CADM1: variants seen among roughly 807,000 people sequenced by gnomAD.
CADM1 encodes the protein TSLC-1.
Under a neutral mutation model 53.1 loss-of-function variants are expected in CADM1, and 15 were observed. The ratio of observed to expected loss-of-function variants is 0.28; its 90% CI spans 0.19 to 0.44. The LOEUF is 0.44. CADM1 is among the 20% of genes least tolerant of loss of function. The pLI is 1.00. For synonymous variants in CADM1, 281 were observed against 243.0 expected (o/e 1.16, Z -1.45); for missense variants, 434 against 611.3 (o/e 0.71, Z 3.06).
In CADM1 at chr11:115,240,344, A is replaced by C. The variant is rs1335676735; in HGVS notation, c.201T>G (p.Asn67Lys). ...GCTGAATCACAGAGTCGTCACTCTT[A>C]TTGACTTGGCAACTGATGGTCGCAA... is the stretch of plus-strand genomic sequence containing the variant. ...GEVATISCQV[N>K]KSDDSVIQLL... Residue 67 changes from asparagine to lysine, a missense_variant, in exon 2 of 12, where the codon AAT (asparagine) becomes AAG (lysine). Physicochemically the swap from Asn to Lys is moderately conservative, Grantham distance 94. Transcript: ENST00000331581. 3.7e-6 allele frequency: 6 copies of C among 1,613,822 alleles called. No homozygotes were observed. The South Asian group carries it at 6.6e-5, about 18-fold the overall frequency.
chr11:115,501,182 G>A (rs1315512486), intron 1 of CADM1, among the ~76,000 whole-genome samples: 1 of 152,140 alleles, frequency 6.6e-6, no homozygotes, highest in Non-Finnish European at 1.5e-5. Context: ...GAAGCCTTGT[G>A]CGTCTCCAGT....
At chr11:115,181,154 T>C (rs925857538) in intron 10 of CADM1, among the ~76,000 whole-genome samples, 16 of 76,504 alleles carry the variant, frequency 2.1e-4, no homozygotes, top group Admixed American at 3.8e-4. Flanking sequence ...AGGAATATTC[T>C]GGAAGCCTGA....
intron 1 of CADM1, among the ~76,000 whole-genome samples, chr11:115,388,161 A>T (rs1010945348): frequency 6.6e-6 from 1 of 152,150 alleles, no homozygotes; most frequent in Non-Finnish European, 1.5e-5. Flanking sequence ...ATACACCACT[A>T]AAAAGGGGAG....
intron 5 of CADM1, among the ~76,000 whole-genome samples, chr11:115,225,417 G>T (rs1307493097): frequency 6.6e-6 from 1 of 152,030 alleles, no homozygotes; most frequent in Non-Finnish European, 1.5e-5. Flanking sequence ...AAATTACATT[G>T]ATGTTAATCA....
chr11:115,412,715 G>A (rs998221966), intron 1 of CADM1, among the ~76,000 whole-genome samples: 1 of 152,142 alleles, frequency 6.6e-6, no homozygotes, highest in Admixed American at 6.5e-5. Context: ...CAATGTGGTT[G>A]TCAATCCAGT....
At chr11:115,396,781 T>A (rs895671678) in intron 1 of CADM1, 2 of 151,770 alleles carry the variant, frequency 1.3e-5, no homozygotes, top group African/African-American at 4.8e-5. Flanking sequence ...CAAACAAATC[T>A]CTGCCATAAT....
intron 1 of CADM1, among the ~76,000 whole-genome samples, chr11:115,315,737 T>C (rs1392867086): frequency 6.6e-6 from 1 of 150,672 alleles, no homozygotes. Context: ...AAACTGAGTA[T>C]CTAAATACTA....
intron 1 of CADM1, among the ~76,000 whole-genome samples, chr11:115,440,955 T>C (rs1198557264): frequency 6.6e-6 from 1 of 151,950 alleles, no homozygotes; most frequent in East Asian, 1.9e-4. Flanking sequence ...ATTTTTTTAA[T>C]AGTGTGTGGA....
At chr11:115,503,531 C>T (rs929852366) in intron 1 of CADM1, among the ~76,000 whole-genome samples, 1 of 152,076 alleles carries the variant, frequency 6.6e-6, no homozygotes, top group Admixed American at 6.5e-5. Flanking sequence ...GGGCTCCCGG[C>T]GCCTTCCCGC....
intron 1 of CADM1, among the ~76,000 whole-genome samples, chr11:115,366,881 GGAATTAATGT>G (rs1946178051): frequency 2.6e-5 from 4 of 152,094 alleles, no homozygotes. Context: ...TATTTCACTA[GGAATTAATGT>G]GAAATAGTCT....
chr11:115,488,149 A>C (rs866285058), intron 1 of CADM1, among the ~76,000 whole-genome samples: 19 of 152,238 alleles, frequency 1.2e-4, no homozygotes, highest in African/African-American at 4.6e-4. Flanking sequence ...ACAATGCCTA[A>C]GAAATGCAAG....
At chr11:115,471,752 C>T (rs1162651314) in intron 1 of CADM1, among the ~76,000 whole-genome samples, 1 of 152,090 alleles carries the variant, frequency 6.6e-6, no homozygotes, top group Non-Finnish European at 1.5e-5. Context: ...CTGGAGTGAA[C>T]TGGAGGGTTT....
In CADM1 at chr11:115,260,864, C is replaced by T. The variant is rs1026346087; in HGVS notation, c.125-20444G>A. Among the ~76,000 whole-genome samples the T allele has an allele frequency of 2.6e-5, 4 of 151,632 alleles. 1 individual carries two copies. The highest frequency in any genetic ancestry group is 1.9e-4 in the East Asian group (1 of 5,132). On this transcript the variant is annotated intron_variant, in intron 1 of 11. Transcript: ENST00000331581. ...ATTTTTTGTATTTTTTTAGTGGAGA[C>T]GGGGTTTCACCGTGTTAGCCAGGAT... is the stretch of plus-strand genomic sequence containing the variant.
intron 1 of CADM1, among the ~76,000 whole-genome samples, chr11:115,284,679 A>AT (rs1447689160): frequency 1.3e-5 from 2 of 152,064 alleles, no homozygotes; most frequent in Admixed American, 6.6e-5. Flanking sequence ...ACTCTGATTA[A>AT]TTTTTTTTAA....
intron 1 of CADM1, among the ~76,000 whole-genome samples, chr11:115,271,572 G>A (rs1333845534): frequency 3.9e-5 from 6 of 152,096 alleles, no homozygotes; most frequent in African/African-American, 9.7e-5. Context: ...GTGAGCCACC[G>A]CGCCCAGCCT....
rs551162164 is a variant in CADM1 at position 115,189,249 on chromosome 11, C to A, written c.1165+1639G>T. ...TGCAGCAGGGACCCATCTGACATGG[C>A]GCAGTGCTGAGGCCCAGAGTATTCC... On this transcript the variant is annotated intron_variant, in intron 10 of 11. Coordinates refer to ENST00000331581, the MANE Select transcript of CADM1 (RefSeq NM_001301043.2). Among the ~76,000 whole-genome samples the A allele has an allele frequency of 1.1e-4, 16 of 152,220 alleles. No individual in the cohort carries two copies. The Middle Eastern group carries it at 0.01, about 97-fold the overall frequency.
chr11:115,177,208 G>C (rs577779084), intron 11 of CADM1, among the ~76,000 whole-genome samples: 1 of 152,294 alleles, frequency 6.6e-6, no homozygotes, highest in African/African-American at 2.4e-5. Context: ...AGGGATCAAG[G>C]TTTGGGATCT....
intron 5 of CADM1, among the ~76,000 whole-genome samples, chr11:115,227,300 T>C (rs1207504238): frequency 6.6e-6 from 1 of 152,164 alleles, no homozygotes; most frequent in African/African-American, 2.4e-5. Flanking sequence ...AACCAAGGCT[T>C]ATAAGGATCA....
At chr11:115,262,141 CTT>C (rs771054037) in intron 1 of CADM1, among the ~76,000 whole-genome samples, 6 of 140,438 alleles carry the variant, frequency 4.3e-5, no homozygotes, top group Non-Finnish European at 3.1e-5. Flanking sequence ...CTTTTTTTGT[CTT>C]TTTTTTTTTT....
Sources: allele counts gnomAD v4.1 joint callset (sites outside exome capture counted in the v4.1 genomes callset), GRCh38; gene constraint gnomAD v4.1.1; transcripts MANE v1.5; gene names NCBI Gene and HGNC (gene_info 2026-07-23, HGNC 2026-07-21).